SF3B2: variants seen among roughly 807,000 people sequenced by gnomAD.
SF3B2 encodes splicing factor 3b subunit 2.
Under a neutral mutation model 116.3 loss-of-function variants are expected in SF3B2, and 22 were observed. The ratio of observed to expected loss-of-function variants is 0.19; its 90% confidence interval spans 0.14 to 0.27. The LOEUF (loss-of-function observed/expected upper bound fraction) is 0.27. Ranked by LOEUF, SF3B2 falls within the 10% of genes least tolerant of loss-of-function variation. SF3B2 has a pLI of 1.00. For missense variants in SF3B2, 767 were observed against 1,151.4 expected, an observed-to-expected ratio of 0.67 and a Z score of 4.83; for synonymous variants, 406 against 421.6, an observed-to-expected ratio of 0.96 and a Z score of 0.45.
chr11:66,058,265 T>C, intron 8 of SF3B2, 49 bp from the exon 9 acceptor site: 1 of 1,585,382 alleles, frequency 6.3e-7, no homozygotes, highest in Non-Finnish European at 8.7e-7. Context: ...TGTGAACGAG[T>C]GCAGGGCAGT....
intron 19 of SF3B2, 37 bp from the exon 20 acceptor site, chr11:66,067,909 C>T (rs367804158): frequency 6.4e-6 from 10 of 1,571,954 alleles, no homozygotes; most frequent in Middle Eastern, 1.7e-4. Context: ...CCCTTTTGTC[C>T]CTTGCTTTTT....
Position 66,060,735 on chromosome 11 carries a change from C to T in SF3B2, c.1779+4C>T, listed in dbSNP as rs751673524. 2.0e-5 allele frequency: 32 copies of T among 1,613,834 alleles called. No individual in the cohort carries two copies. Among genetic ancestry groups the T allele is most frequent in the Middle Eastern group, 1.6e-4 (1 of 6,084 alleles). ...CCATGGGGACCTGTACTATGAGGTTCGGGAGGGGGCTGGGAGAGGTCAGGC... is the reference window on the plus strand; with the variant it reads ...CCATGGGGACCTGTACTATGAGGTTTGGGAGGGGGCTGGGAGAGGTCAGGC... On this transcript the variant is annotated splice_donor_region_variant and intron_variant, in intron 14 of 21. Transcript: ENST00000322535.
chr11:66,065,006 A>G (rs1438391261), intron 19 of SF3B2: 2 of 151,088 alleles, frequency 1.3e-5, no homozygotes, highest in South Asian at 2.1e-4. Context: ...GAATCTTGCT[A>G]TGTCGCCCAG....
Position 66,058,814 on chromosome 11 carries a change from TTCC to T in SF3B2, c.967-10_967-8del. The T allele has an allele frequency of 6.2e-7, 1 of 1,602,532 alleles. No homozygotes were observed. The highest frequency in any genetic ancestry group is 8.5e-7 in the Non-Finnish European group (1 of 1,174,882). ...CTTGGATTCCCTGACCCAGCTGGTT[TTCC>T]TCCTCTTGACAGAAAAACCGGAAGC... On this transcript the variant is annotated splice_polypyrimidine_tract_variant and intron_variant, in intron 9 of 21. Coordinates refer to ENST00000322535, the MANE Select transcript of SF3B2 (RefSeq NM_006842.3).
At chr11:66,068,488 G>GGGCT (rs1029314878) in intron 21 of SF3B2, 155 bp downstream of exon 21, 5 of 917,008 alleles carry the variant, frequency 5.5e-6, no homozygotes, top group Non-Finnish European at 8.2e-6. Flanking sequence ...ATCCTCCAGT[G>GGGCT]GGCTGCCCTC....
At chr11:66,055,801 T>G (rs753460497) in intron 5 of SF3B2, 24 of 509,426 alleles carry the variant, frequency 4.7e-5, no homozygotes, top group Non-Finnish European at 7.9e-5. Context: ...TAAAAATAAC[T>G]TTAAAATTTT....
Position 66,058,108 on chromosome 11 carries a change from C to A in SF3B2, c.832C>A (p.Gln278Lys). The A allele has an allele frequency of 6.2e-7, 1 of 1,609,784 alleles. No homozygotes were observed. The highest frequency in any genetic ancestry group is 8.5e-7 in the Non-Finnish European group (1 of 1,178,062). Reference sequence around the variant, plus strand: ...CCCCCAGGCTTTGGAGAAGATCCTGCAGCTGAAGGAGAGCCGCCAGGAAGA... The same window carrying A: ...CCCCCAGGCTTTGGAGAAGATCCTGAAGCTGAAGGAGAGCCGCCAGGAAGA... ...KIPQALEKIL[Q>K]LKESRQEEMN... Residue 278 changes from glutamine (Q) to lysine (K), a missense_variant, in exon 8 of 22, where the codon CAG becomes AAG. By Grantham distance (53) the Gln-to-Lys change is moderately conservative. This residue lies in a region of SF3B2 where 455 missense variants were observed against 537.5 expected (regional missense o/e 0.85). Transcript: ENST00000322535.
intron 8 of SF3B2, 78 bp downstream of exon 8, chr11:66,058,228 C>T (rs1463456977): frequency 1.1e-5 from 17 of 1,571,702 alleles, no homozygotes; most frequent in Non-Finnish European, 1.5e-5. Context: ...CTGTCCCTTT[C>T]CCTGGCTCTT....
At position 66,063,136 on chromosome 11, in the gene SF3B2, G is replaced by C. The variant is rs376603864; in HGVS notation, c.2085+20G>C. On this transcript the variant is annotated intron_variant, in intron 17 of 21. Coordinates refer to ENST00000322535, the MANE Select transcript of SF3B2 (RefSeq NM_006842.3). Reference sequence around the variant, plus strand: ...TTTCAGGTATGGGCCATGTACTAGCGATCTTGGTTTTACTTAATGTCATGA... The same window carrying C: ...TTTCAGGTATGGGCCATGTACTAGCCATCTTGGTTTTACTTAATGTCATGA... The C allele has an allele frequency of 1.9e-6, 3 of 1,564,140 alleles. No individual in the cohort carries two copies. Among genetic ancestry groups the C allele is most frequent in the Non-Finnish European group, 2.6e-6 (3 of 1,138,010 alleles).
In SF3B2 at chr11:66,068,286, A is replaced by G. The variant is rs1302133312; in HGVS notation, c.2569A>G (p.Lys857Glu). The G allele has an allele frequency of 3.1e-6, 5 of 1,613,840 alleles. No homozygotes were observed. Among genetic ancestry groups the G allele is most frequent in the Admixed American group, 1.7e-5 (1 of 60,004 alleles). ...GCGGGAGCAGCAGGCTCAAGTAGAGAAGGAGGACTTCAGTGACATGGTGGC... is the reference window on the plus strand; with the variant it reads ...GCGGGAGCAGCAGGCTCAAGTAGAGGAGGAGGACTTCAGTGACATGGTGGC... ...HVREQQAQVE[K>E]EDFSDMVAEH... Residue 857 changes from lysine to glutamate, a missense_variant, in exon 21 of 22, where the codon AAG becomes GAG. Transcript: ENST00000322535.
rs760426087 is a variant in SF3B2 at position 66,067,982 on chromosome 11, G to A, written c.2367G>A (p.Glu789=). The part of the protein sequence containing the change: ...ETPQLFTVLP[E]KRTATVGGAM... ...CTCAGCTCTTCACTGTGTTGCCAGA[G>A]AAGAGAACAGCCACTGTTGGAGGGG... The change falls in exon 20 of 22, where the codon GAG becomes GAA. Residue 789 remains glutamate (E), a synonymous_variant. Transcript: ENST00000322535. 6.2e-7 allele frequency: 1 copy of A among 1,614,202 alleles called. No individual in the cohort carries two copies. The highest frequency in any genetic ancestry group is 8.5e-7 in the Non-Finnish European group (1 of 1,180,034).
intron 3 of SF3B2, among the ~76,000 whole-genome samples, chr11:66,054,178 TC>T (rs1396082299): frequency 1.2e-5 from 1 of 83,660 alleles, no homozygotes; most frequent in Non-Finnish European, 2.3e-5. Context: ...CGAGACTGTC[TC>T]AAAAAAAAAA....
Position 66,052,681 on chromosome 11 carries a change from G to A in SF3B2, c.142G>A (p.Glu48Lys), listed in dbSNP as rs1398960209. 2 of 1,595,336 alleles carry A rather than the reference G, an allele frequency of 1.3e-6. No individual in the cohort carries two copies. The highest frequency in any genetic ancestry group is 1.7e-6 in the Non-Finnish European group (2 of 1,172,024). The change falls in exon 2 of 22, where the codon GAG (glutamate) becomes AAG (lysine). Residue 48 changes from glutamate (E) to lysine (K), a missense_variant. Physicochemically the swap from Glu to Lys is moderately conservative, Grantham distance 56. Around this residue, in one of 4 missense-constraint regions of SF3B2, gnomAD observed 455 missense variants for 537.5 expected, o/e 0.85. Coordinates refer to ENST00000322535, the MANE Select transcript of SF3B2 (RefSeq NM_006842.3). ...EIGAPIQGNR[E>K]ELVERLQSYT... ...TGTACTTTGCCCTGCAGGTAATCGC[G>A]AGGAGCTGGTGGAGCGGCTGCAGAG...
rs370569248 is a variant in SF3B2 at position 66,058,041 on chromosome 11, G to T, written c.778-13G>T. 12 of 1,586,528 alleles carry T rather than the reference G, an allele frequency of 7.6e-6. No individual in the cohort carries two copies. The Admixed American group carries it at 1.8e-4, about 24-fold the overall frequency. On this transcript the variant is annotated splice_polypyrimidine_tract_variant and intron_variant, in intron 7 of 21. Coordinates refer to ENST00000322535, the MANE Select transcript of SF3B2 (RefSeq NM_006842.3). ...ACTGTGATTTGCCTTCTCTGACTGG[G>T]TGTCTCTGGCAGATGGATGACCCCT...
At chr11:66,052,608 C>T (rs1856900486) in intron 1 of SF3B2, 65 bp from the exon 2 acceptor site, 1 of 1,590,514 alleles carries the variant, frequency 6.3e-7, no homozygotes, top group Non-Finnish European at 8.6e-7. Flanking sequence ...GGGGCGGAGG[C>T]AGGCCGCTGG....
At position 66,056,852 on chromosome 11, in the gene SF3B2, G is replaced by A. The variant is rs1857005215; in HGVS notation, c.564G>A (p.Leu188=). The A allele has an allele frequency of 1.9e-6, 3 of 1,613,868 alleles. No individual in the cohort carries two copies. The highest frequency in any genetic ancestry group is 1.1e-5 in the South Asian group (1 of 91,068). ...CCCTCCCGTAGGCAGCTGTGTTACT[G>A]GAGCAGGAACGACAGCAGGAGATTG... is the stretch of plus-strand genomic sequence containing the variant. ...LEQQKRAAVL[L]EQERQQEIAK... The change falls in exon 6 of 22, where the codon CTG becomes CTA. Residue 188 remains leucine, a synonymous_variant. Coordinates refer to ENST00000322535, the MANE Select transcript of SF3B2 (RefSeq NM_006842.3).
intron 3 of SF3B2, 134 bp downstream of exon 3, chr11:66,053,238 A>G (rs1313528820): frequency 1.0e-5 from 8 of 794,344 alleles, no homozygotes; most frequent in East Asian, 5.1e-5. Flanking sequence ...CTGAGTGGGG[A>G]AAAAAAAAGA....
Position 66,052,390 on chromosome 11 carries a change from G to A in SF3B2, c.6G>A (p.Ala2=), listed in dbSNP as rs201612918. ...CGCGCCTTCCTGCGGCTAAGATGGC[G>A]ACGGAGCATCCCGAGCCTCCCAAAG... M[A]TEHPEPPKAE... Residue 2 remains alanine (A), a synonymous_variant, in exon 1 of 22, where the codon GCG becomes GCA. Coordinates refer to ENST00000322535, the MANE Select transcript of SF3B2 (RefSeq NM_006842.3). 6.6e-5 allele frequency: 107 copies of A among 1,610,532 alleles called. No homozygotes were observed. Among genetic ancestry groups the A allele is most frequent in the African/African-American group, 1.3e-5 (1 of 74,892 alleles).
At chr11:66,062,719 G>A (rs1429341451) in intron 16 of SF3B2, among the ~76,000 whole-genome samples, 2 of 152,154 alleles carry the variant, frequency 1.3e-5, no homozygotes, top group Non-Finnish European at 2.9e-5. Context: ...ATAAGAAATT[G>A]AAGTCATGTT....
Sources: gnomAD v4.1 joint callset for allele counts (sites outside exome capture counted in the v4.1 genomes callset) on GRCh38, gnomAD v4.1.1 for gene constraint, gnomAD v4.1.1 regional missense constraint, MANE v1.5 for transcripts, NCBI Gene and HGNC (gene_info 2026-07-23, HGNC 2026-07-21) for gene names.